The following SHC1 variants were observed in gnomAD, a reference collection of about 807,000 sequenced individuals.
SHC1 encodes the protein SHC adaptor protein 1.
Under a neutral mutation model 55.9 loss-of-function variants are expected in SHC1, and 30 were observed. That is an observed-to-expected ratio of 0.54 (90% CI 0.40 to 0.73). SHC1 has a LOEUF of 0.73. SHC1 is among the 30% of genes least tolerant of loss of function. The pLI is 0.00. For synonymous variants in SHC1, 309 were observed against 306.1 expected, an observed-to-expected ratio of 1.01 and a Z score of -0.10; for missense variants, 675 against 777.1, an observed-to-expected ratio of 0.87 and a Z score of 1.56.
In SHC1 at chr1:154,965,944, A is replaced by G. The variant is rs1190426197; in HGVS notation, c.1387+2T>C. 1 of 1,608,618 alleles carries G rather than the reference A, an allele frequency of 6.2e-7. No homozygotes were observed. Among genetic ancestry groups the G allele is most frequent in the Admixed American group, 1.7e-5 (1 of 59,780 alleles). ...GCAGAGAGGAGAGAGACGAGCACTC[A>G]CTCATGTCAAACAGGTCCCGGGGTG... is the stretch of plus-strand genomic sequence containing the variant. On this transcript the variant is annotated splice_donor_variant, in intron 10 of 11. Transcript: ENST00000448116. LOFTEE classifies it high-confidence loss of function.
intron 4 of SHC1, 39 bp from the exon 5 acceptor site, chr1:154,968,296 C>T: frequency 6.2e-7 from 1 of 1,607,544 alleles, no homozygotes; most frequent in East Asian, 2.2e-5. Context: ...GAAGGGAATG[C>T]CATGTGTCAG....
Position 154,965,585 on chromosome 1 carries a change from A to C in SHC1, c.1584T>G (p.Ser528Arg), listed in dbSNP as rs772682985. Residue 528 changes from serine (S) to arginine (R), a missense_variant, in exon 11 of 12, where the codon AGT (serine) becomes AGG (arginine). Coordinates refer to ENST00000448116, the MANE Select transcript of SHC1 (RefSeq NM_001130040.2). Reference protein sequence around the residue: ...PGQYVLTGLQSGQPKHLLLVD... With the variant: ...PGQYVLTGLQRGQPKHLLLVD... ...CCAGTAGCAAATGCTTAGGCTGCCC[A>C]CTCTGCAAGCCAGTGAGCACATACT... 33 of 1,613,968 alleles carry C rather than the reference A, an allele frequency of 2.0e-5. No individual in the cohort carries two copies. In the Admixed American group the frequency reaches 5.5e-4, roughly 27 times the overall value.
intron 10 of SHC1, 42 bp downstream of exon 10, chr1:154,965,904 T>C (rs1223169455): frequency 1.9e-6 from 3 of 1,589,240 alleles, no homozygotes; most frequent in African/African-American, 2.7e-5. Flanking sequence ...CAGAACCAAG[T>C]AGAAAGGTGG....
Position 154,965,994 on chromosome 1 carries a change from G to T in SHC1, c.1339C>A (p.Pro447Thr), listed in dbSNP as rs748537384. 1 of 1,613,986 alleles carries T rather than the reference G, an allele frequency of 6.2e-7. No individual in the cohort carries two copies. Among genetic ancestry groups the T allele is most frequent in the Admixed American group, 1.7e-5 (1 of 59,992 alleles). The change falls in exon 10 of 12, where the codon CCC (proline) becomes ACC (threonine). Residue 447 changes from proline (P) to threonine (T), a missense_variant. Physicochemically the swap from Pro to Thr is conservative, Grantham distance 38. This residue lies in a region of SHC1 where 360 missense variants were observed against 371.1 expected (regional missense o/e 0.97). Transcript: ENST00000448116. Reference protein sequence around the residue: ...ARQAVGGAGPPNPAINGSAPR... With the variant: ...ARQAVGGAGPTNPAINGSAPR... ...GCACTGCCATTGATAGCAGGATTGGGGGGCCCAGCACCACCCACTGCTTGC... is the reference window on the plus strand; with the variant it reads ...GCACTGCCATTGATAGCAGGATTGGTGGGCCCAGCACCACCCACTGCTTGC...
chr1:154,968,963 T>G, intron 2 of SHC1, 129 bp from the exon 3 acceptor site: 1 of 803,350 alleles, frequency 1.2e-6, no homozygotes, highest in Non-Finnish European at 2.2e-6. Flanking sequence ...TTTGTCATGG[T>G]GGATTGAATT....
rs913100821 is a variant in SHC1 at position 154,962,865 on chromosome 1, G to A, written c.*938C>T. The A allele has an allele frequency of 2.6e-5, 4 of 152,690 alleles. No individual in the cohort carries two copies. Among genetic ancestry groups the A allele is most frequent in the African/African-American group, 9.7e-5 (4 of 41,384 alleles). The allele number at this position is 152,690 out of a possible 1,614,324, so 9.5% of individuals were successfully genotyped here. On this transcript the variant is annotated 3_prime_UTR_variant, in exon 12 of 12. Coordinates refer to ENST00000448116, the MANE Select transcript of SHC1 (RefSeq NM_001130040.2). ...TTCCAACTCTACAGATGGTATGTGG[G>A]GATTGTCTACTGCTTTATAGTCTCA...
rs769608214 is a variant in SHC1 at position 154,966,207 on chromosome 1, C to T, written c.1207G>A (p.Asp403Asn). 6 of 1,614,106 alleles carry T rather than the reference C, an allele frequency of 3.7e-6. No homozygotes were observed. The South Asian group carries it at 5.5e-5, about 15-fold the overall frequency. ...TLPVGQPVGG[D>N]PEVRKQMPPP... The stretch of plus-strand genomic sequence containing the variant: ...GGCATCTGTTTGCGGACTTCTGGAT[C>T]TCCCCCAACAGGCTGTCCTACAGGC... The change falls in exon 9 of 12, where the codon GAT becomes AAT. Residue 403 changes from aspartate to asparagine, a missense_variant. Transcript: ENST00000448116.
chr1:154,968,070 A>G, intron 5 of SHC1, 39 bp from the exon 6 acceptor site: 2 of 1,609,730 alleles, frequency 1.2e-6, no homozygotes, highest in Non-Finnish European at 8.5e-7. Context: ...GTTCTACTTT[A>G]CTCCTGACCC....
In SHC1 at chr1:154,964,426, G is replaced by A. The variant is rs528249033; in HGVS notation, c.1627-495C>T. ...TGTGCCACCACACCGCAGCCTGAGT[G>A]ACAAAGCAAAACCCTATCTCAAAAA... On this transcript the variant is annotated intron_variant, in intron 11 of 11. Transcript: ENST00000448116. 13 of 367,840 alleles carry A rather than the reference G, an allele frequency of 3.5e-5. No homozygotes were observed. In the East Asian group the frequency reaches 6.6e-4, roughly 19 times the overall value. 22.8% of individuals were successfully genotyped at this position (367,840 alleles called of 1,614,324 possible).
chr1:154,965,985 C>A lies in SHC1; in HGVS notation c.1348G>T (p.Ala450Ser). 1 of 1,613,866 alleles carries A rather than the reference C, an allele frequency of 6.2e-7. No individual in the cohort carries two copies. The highest frequency in any genetic ancestry group is 8.5e-7 in the Non-Finnish European group (1 of 1,179,896). Residue 450 changes from alanine (A) to serine (S), a missense_variant, in exon 10 of 12, where the codon GCT becomes TCT. Ala to Ser is a moderately conservative substitution (Grantham distance 99). This residue lies in a region of SHC1 where 360 missense variants were observed against 371.1 expected (regional missense o/e 0.97). Transcript: ENST00000448116. ...TCCCGGGGTGCACTGCCATTGATAG[C>A]AGGATTGGGGGGCCCAGCACCACCC... ...AVGGAGPPNP[A>S]INGSAPRDLF...
upstream of SHC1, among the ~76,000 whole-genome samples, chr1:154,971,967 A>G (rs1272982757): frequency 6.6e-6 from 1 of 151,756 alleles, no homozygotes; most frequent in Non-Finnish European, 1.5e-5. Flanking sequence ...ACGTATTCCT[A>G]CCGGGCGCGG....
Position 154,970,520 on chromosome 1 carries a change from G to A in SHC1, c.7C>T (p.Leu3Phe). Residue 3 changes from leucine (L) to phenylalanine (F), a missense_variant, in exon 1 of 12, where the codon CTC becomes TTC. Physicochemically the swap from Leu to Phe is conservative, Grantham distance 22. Around this residue, in one of 3 missense-constraint regions of SHC1, gnomAD observed 156 missense variants for 159.1 expected, o/e 0.98. Transcript: ENST00000448116. This position sits in a 1 kb window ranked among gnomAD's most constrained non-coding sequence, Gnocchi z 5.5. Reference sequence around the variant, plus strand: ...TTGTACTTGGGCTTGGGGGGCAGGAGATCCATAGTTGAGGTGAAAGAGGGG... The same window carrying A: ...TTGTACTTGGGCTTGGGGGGCAGGAAATCCATAGTTGAGGTGAAAGAGGGG... MD[L>F]LPPKPKYNPL... 6.2e-7 allele frequency: 1 copy of A among 1,604,842 alleles called. No individual in the cohort carries two copies. The highest frequency in any genetic ancestry group is 1.1e-5 in the South Asian group (1 of 90,128).
chr1:154,963,830 T>G lies in SHC1; in HGVS notation c.1728A>C (p.Leu576=), dbSNP rs147883617. 9 of 1,613,996 alleles carry G rather than the reference T, an allele frequency of 5.6e-6. No individual in the cohort carries two copies. The African/African-American group carries it at 1.1e-4, about 19-fold the overall frequency. ...PIISAGSELC[L]QQPVERKL Reference sequence around the variant, plus strand: ...ACAGTTTCCGCTCCACAGGTTGCTGTAGACACAGTTCGCTGCCCGCAGAGA... The same window carrying G: ...ACAGTTTCCGCTCCACAGGTTGCTGGAGACACAGTTCGCTGCCCGCAGAGA... Residue 576 remains leucine, a synonymous_variant, in exon 12 of 12, where the codon CTA becomes CTC. Transcript: ENST00000448116.
chr1:154,963,351 A>T lies in SHC1; in HGVS notation c.*452T>A, dbSNP rs1229399166. The stretch of plus-strand genomic sequence containing the variant: ...AACTGTTTGCATAAAATATCATTAG[A>T]CCTAAGAGATGGTCAAAGGCACAAA... On this transcript the variant is annotated 3_prime_UTR_variant, in exon 12 of 12. Transcript: ENST00000448116. 1 of 158,342 alleles carries T rather than the reference A, an allele frequency of 6.3e-6. No individual in the cohort carries two copies. Among genetic ancestry groups the T allele is most frequent in the African/African-American group, 2.4e-5 (1 of 41,186 alleles). The allele number at this position is 158,342 out of a possible 1,614,324, so 9.8% of individuals were successfully genotyped here. A position where few individuals can be genotyped will look rare whatever the true frequency, so the allele number is the denominator to read the frequency against.
rs1488562594 is a variant in SHC1, at chr1:154,962,628, T to C, written c.*1175A>G. On this transcript the variant is annotated 3_prime_UTR_variant, in exon 12 of 12. Coordinates refer to ENST00000448116, the MANE Select transcript of SHC1 (RefSeq NM_001130040.2). ...AAATAAATTTCATCTGCCTCAGGTC[T>C]CTGGTATAAAAGGTGCGATCCCAGT... The C allele has an allele frequency of 6.6e-6, 1 of 152,494 alleles. No homozygotes were observed. Among genetic ancestry groups the C allele is most frequent in the Non-Finnish European group, 1.5e-5 (1 of 68,056 alleles). 9.4% of individuals were successfully genotyped at this position (152,494 alleles called of 1,614,324 possible). A position where few individuals can be genotyped will look rare whatever the true frequency, so the allele number is the denominator to read the frequency against.
In SHC1 at chr1:154,966,201, C is replaced by G; in HGVS notation, c.1213G>C (p.Glu405Gln). The G allele has an allele frequency of 6.2e-7, 1 of 1,614,166 alleles. No individual in the cohort carries two copies. The highest frequency in any genetic ancestry group is 8.5e-7 in the Non-Finnish European group (1 of 1,180,016). The change falls in exon 9 of 12, where the codon GAA (glutamate) becomes CAA (glutamine). Residue 405 changes from glutamate (E) to glutamine (Q), a missense_variant. By Grantham distance (29) the Glu-to-Gln change is conservative (BLOSUM62 2). Coordinates refer to ENST00000448116, the MANE Select transcript of SHC1 (RefSeq NM_001130040.2). ...GGAGGTGGCATCTGTTTGCGGACTTCTGGATCTCCCCCAACAGGCTGTCCT... is the reference window on the plus strand; with the variant it reads ...GGAGGTGGCATCTGTTTGCGGACTTGTGGATCTCCCCCAACAGGCTGTCCT... ...PVGQPVGGDPEVRKQMPPPPP... is the reference protein window; with the variant it reads ...PVGQPVGGDPQVRKQMPPPPP...
Position 154,965,755 on chromosome 1 carries a change from G to C in SHC1, c.1414C>G (p.Pro472Ala). 1 of 1,613,712 alleles carries C rather than the reference G, an allele frequency of 6.2e-7. No individual in the cohort carries two copies. The highest frequency in any genetic ancestry group is 8.5e-7 in the Non-Finnish European group (1 of 1,179,686). ...ATGGACACCGACTGGGGAGGTGGAG[G>C]CACGCGAAGAGCATCTTCGAAGGGC... ...MKPFEDALRV[P>A]PPPQSVSMAE... Residue 472 changes from proline to alanine, a missense_variant, in exon 11 of 12, where the codon CCT becomes GCT. By Grantham distance (27) the Pro-to-Ala change is conservative (BLOSUM62 -1). Coordinates refer to ENST00000448116, the MANE Select transcript of SHC1 (RefSeq NM_001130040.2).
intron 11 of SHC1, among the ~76,000 whole-genome samples, chr1:154,964,663 G>A (rs538853625): frequency 6.6e-6 from 1 of 152,018 alleles, no homozygotes; most frequent in Non-Finnish European, 1.5e-5. Flanking sequence ...ACAAGGTCTC[G>A]CTATGTTGCC....
rs773145197 is a variant in SHC1 at position 154,966,209 on chromosome 1, C to A, written c.1205G>T (p.Gly402Val). 36 of 1,613,974 alleles carry A rather than the reference C, an allele frequency of 2.2e-5. No homozygotes were observed. The highest frequency in any genetic ancestry group is 2.9e-5 in the Non-Finnish European group (34 of 1,180,000). ...ATLPVGQPVG[G>V]DPEVRKQMPP... ...CATCTGTTTGCGGACTTCTGGATCT[C>A]CCCCAACAGGCTGTCCTACAGGCTG... The change falls in exon 9 of 12, where the codon GGA (glycine) becomes GTA (valine). Residue 402 changes from glycine (G) to valine (V), a missense_variant. Around this residue, in one of 3 missense-constraint regions of SHC1, gnomAD observed 360 missense variants for 371.1 expected, o/e 0.97. Transcript: ENST00000448116.
Sources: gnomAD v4.1 joint callset for allele counts (sites outside exome capture counted in the v4.1 genomes callset) on GRCh38, gnomAD v4.1.1 for gene constraint, gnomAD v4.1.1 regional missense constraint, Gnocchi (gnomAD v3.1) non-coding constraint, MANE v1.5 for transcripts, NCBI Gene and HGNC (gene_info 2026-07-23, HGNC 2026-07-21) for gene names.